Variants in ADAMTS14 observed in about 807,000 individuals in gnomAD.
ADAMTS14 encodes the protein A disintegrin and metalloproteinase with thrombospondin motifs 14.
A neutral mutation model predicts 128.6 loss-of-function variants in ADAMTS14; 100 were observed. The ratio of observed to expected loss-of-function variants is 0.78; its 90% CI spans 0.66 to 0.92. The LOEUF (loss-of-function observed/expected upper bound fraction) is 0.92. Ranked by LOEUF, ADAMTS14 falls within the 40% of genes least tolerant of loss-of-function variation. The probability of loss-of-function intolerance (pLI) is 0.00; values close to 1 mark genes in which losing one functional copy is unlikely to be tolerated. For missense variants in ADAMTS14, 1,562 were observed against 1,658.6 expected, an observed-to-expected ratio of 0.94 and a Z score of 1.01; for synonymous variants, 665 against 653.8, an observed-to-expected ratio of 1.02 and a Z score of -0.26.
chr10:70,692,047 C>T (rs1027662044), intron 2 of ADAMTS14, among the ~76,000 whole-genome samples: 6 of 151,994 alleles, frequency 3.9e-5, no homozygotes, highest in South Asian at 2.1e-4. Flanking sequence ...CCTGGATGCA[C>T]GTCTGAATCA....
intron 4 of ADAMTS14, among the ~76,000 whole-genome samples, chr10:70,721,124 A>G (rs1158170947): frequency 5.5e-5 from 8 of 146,706 alleles, no homozygotes; most frequent in African/African-American, 1.5e-4. Context: ...TCCCGGGTTC[A>G]AGTGATTCTC....
At chr10:70,676,969 C>T (rs956908873) in intron 2 of ADAMTS14, among the ~76,000 whole-genome samples, 7 of 152,134 alleles carry the variant, frequency 4.6e-5, no homozygotes, top group East Asian at 1.9e-4. Flanking sequence ...CCTCCTGGAG[C>T]GAGACACAGA....
chr10:70,725,665 C>T (rs1841405643), intron 4 of ADAMTS14, among the ~76,000 whole-genome samples: 1 of 152,162 alleles, frequency 6.6e-6, no homozygotes, highest in African/African-American at 2.4e-5. Flanking sequence ...TAATTACCCC[C>T]TAATGCCCTA....
At chr10:70,679,496 C>T (rs1337447379) in intron 2 of ADAMTS14, among the ~76,000 whole-genome samples, 1 of 152,062 alleles carries the variant, frequency 6.6e-6, no homozygotes, top group Non-Finnish European at 1.5e-5. Flanking sequence ...GAAGTTGTGG[C>T]GTGCAAGGTT....
rs184359142 is a variant in ADAMTS14 at position 70,690,122 on chromosome 10, G to A, written c.523-12190G>A. 2.1e-5 allele frequency among the ~76,000 whole-genome samples: 3 copies of A among 144,712 alleles called. 1 individual carries two copies. Among genetic ancestry groups the A allele is most frequent in the Admixed American group, 6.9e-5 (1 of 14,512 alleles). 94.9% of individuals were successfully genotyped at this position (144,712 alleles called of 152,430 possible). A position where few individuals can be genotyped will look rare whatever the true frequency, so the allele number is the denominator to read the frequency against. On this transcript the variant is annotated intron_variant, in intron 2 of 21. Coordinates refer to ENST00000373207, the MANE Select transcript of ADAMTS14 (RefSeq NM_080722.4). ...ATCTGATGAATGAATGAGTGAATAT[G>A]TGCTATTGCAGGCAAGGGTTTAGGA...
chr10:70,726,969 G>A (rs1362737477), intron 4 of ADAMTS14, among the ~76,000 whole-genome samples: 2 of 152,244 alleles, frequency 1.3e-5, no homozygotes, highest in East Asian at 3.8e-4. Flanking sequence ...GTGGTGGGGT[G>A]TTGGCAGGGA....
rs771171989 is a variant in ADAMTS14 at position 70,733,978 on chromosome 10, C to T, written c.1302C>T (p.His434=). The T allele has an allele frequency of 1.2e-6, 2 of 1,613,878 alleles. No individual in the cohort carries two copies. The highest frequency in any genetic ancestry group is 1.1e-5 in the South Asian group (1 of 91,076). Residue 434 remains histidine (H), a synonymous_variant, in exon 8 of 22, where the codon CAC becomes CAT. Transcript: ENST00000373207. ...VMAPLVQAAF[H]RFHWSRCSKL... is the part of the protein sequence containing the mutation. ...CGCCCCTGGTGCAGGCTGCCTTCCA[C>T]CGCTTCCATTGGTCCCGCTGCAGCA...
intron 2 of ADAMTS14, among the ~76,000 whole-genome samples, chr10:70,698,056 C>A (rs1004044233): frequency 2.0e-5 from 3 of 152,052 alleles, no homozygotes; most frequent in Non-Finnish European, 2.9e-5. Context: ...GGACAAGGGC[C>A]TATGGGTATG....
chr10:70,688,429 G>A (rs1393128804), intron 2 of ADAMTS14, among the ~76,000 whole-genome samples: 1 of 68,858 alleles, frequency 1.5e-5, no homozygotes, highest in South Asian at 7.5e-4. Flanking sequence ...GACGATGGGC[G>A]GCCAGGCAGA....
At chr10:70,696,547 G>C (rs1238746279) in intron 2 of ADAMTS14, among the ~76,000 whole-genome samples, 1 of 152,136 alleles carries the variant, frequency 6.6e-6, no homozygotes, top group Admixed American at 6.5e-5. Flanking sequence ...GAACCAGGGT[G>C]GAGAAGCTTC....
At position 70,697,661 on chromosome 10, in the gene ADAMTS14, C is replaced by T. The variant is rs75541098; in HGVS notation, c.523-4651C>T. Among the ~76,000 whole-genome samples the T allele has an allele frequency of 9.2e-5, 14 of 152,370 alleles. No individual in the cohort carries two copies. The East Asian group carries it at 2.3e-3, about 25-fold the overall frequency. ...ATAGTAGACAGCTGTGGGTGACCCG[C>T]TGCACTTGCTCAGTTGTGGTTCACA... On this transcript the variant is annotated intron_variant, in intron 2 of 21. Coordinates refer to ENST00000373207, the MANE Select transcript of ADAMTS14 (RefSeq NM_080722.4).
chr10:70,701,487 G>A (rs1589276832), intron 2 of ADAMTS14, among the ~76,000 whole-genome samples: 1 of 152,240 alleles, frequency 6.6e-6, no homozygotes, highest in South Asian at 2.1e-4. Context: ...GACATGGTGT[G>A]TGTGTGCGTG....
In ADAMTS14 at chr10:70,761,666, T is replaced by C. The variant is rs2587468; in HGVS notation, c.*813T>C. The C allele has an allele frequency of 0.61, 92,736 of 152,078 alleles. 28,501 individuals are homozygous for C. Among genetic ancestry groups the C allele is most frequent in the East Asian group, 0.7 (3,586 of 5,144 alleles). 9.4% of individuals were successfully genotyped at this position (152,078 alleles called of 1,614,324 possible). ...CAGGGATTTCCAAACTGGCGCTCAC[T>C]CCCTGACTCCACCAGGATGGCAACT... is the stretch of plus-strand genomic sequence containing the variant. On this transcript the variant is annotated 3_prime_UTR_variant, in exon 22 of 22. Coordinates refer to ENST00000373207, the MANE Select transcript of ADAMTS14 (RefSeq NM_080722.4).
intron 9 of ADAMTS14, 61 bp from the exon 10 acceptor site, chr10:70,736,619 A>T (rs1861517): frequency 6.7e-7 from 1 of 1,503,656 alleles, no homozygotes; most frequent in Non-Finnish European, 9.1e-7. Flanking sequence ...CTCCATCACT[A>T]CCCTTTGTTC....
At chr10:70,676,970 G>A (rs1010877806) in intron 2 of ADAMTS14, among the ~76,000 whole-genome samples, 9 of 152,274 alleles carry the variant, frequency 5.9e-5, no homozygotes, top group South Asian at 4.2e-4. Flanking sequence ...CTCCTGGAGC[G>A]AGACACAGAG....
chr10:70,734,690 G>A (rs2132685379), intron 8 of ADAMTS14, among the ~76,000 whole-genome samples: 1 of 152,334 alleles, frequency 6.6e-6, no homozygotes, highest in South Asian at 2.1e-4. Flanking sequence ...GGGAGGCCAA[G>A]TGGATTTGGA....
chr10:70,729,236 C>A, intron 4 of ADAMTS14, 58 bp from the exon 5 acceptor site: 1 of 1,450,712 alleles, frequency 6.9e-7, no homozygotes, highest in Non-Finnish European at 9.7e-7. Flanking sequence ...CAGTACCTGG[C>A]ATGCAGTAGG....
At chr10:70,686,310 T>C (rs567056473) in intron 2 of ADAMTS14, among the ~76,000 whole-genome samples, 116 of 140,072 alleles carry the variant, frequency 8.3e-4, no homozygotes, top group African/African-American at 3.0e-3. Context: ...TTTTTATTGA[T>C]AATTCTTGGG....
chr10:70,720,587 G>T (rs773560639), intron 4 of ADAMTS14, among the ~76,000 whole-genome samples: 3 of 152,222 alleles, frequency 2.0e-5, no homozygotes, highest in Non-Finnish European at 4.4e-5. Context: ...TACTGCGAGG[G>T]TCAGCCCCAG....
Sources: allele counts gnomAD v4.1 joint callset (sites outside exome capture counted in the v4.1 genomes callset), GRCh38; gene constraint gnomAD v4.1.1; transcripts MANE v1.5; gene names NCBI Gene and HGNC (gene_info 2026-07-23, HGNC 2026-07-21).